Variants in MCTP1 observed in about 807,000 individuals in gnomAD.
MCTP1 encodes the protein multiple C2 and transmembrane domain containing 1.
MCTP1 carries 69 observed loss-of-function variants against 120.6 expected under a neutral mutation model. That is an observed-to-expected ratio of 0.57 (90% CI 0.47 to 0.70). The LOEUF (loss-of-function observed/expected upper bound fraction) is 0.70. MCTP1 is among the 30% of genes least tolerant of loss of function. MCTP1 has a pLI of 0.00. For missense variants in MCTP1, 1,203 were observed against 1,248.8 expected (o/e 0.96, Z 0.55); for synonymous variants, 529 against 493.1 (o/e 1.07, Z -0.96).
rs147425961 is a variant in MCTP1 at position 94,871,906 on chromosome 5, G to A, written c.2037-489C>T. Among the ~76,000 whole-genome samples, 234 of 151,856 alleles carry A rather than the reference G, an allele frequency of 1.5e-3. 5 individuals are homozygous for A. Among genetic ancestry groups the A allele is most frequent in the Admixed American group, 0.014 (217 of 15,216 alleles). On this transcript the variant is annotated intron_variant, in intron 13 of 22. Transcript: ENST00000515393. ...TGTTTATAGCTCTCACTAGATCATC[G>A]ACGTAGTTTCTGTTAGATTTATAGT... is the stretch of plus-strand genomic sequence containing the variant.
chr5:95,025,461 G>A (rs1839090340), intron 1 of MCTP1, among the ~76,000 whole-genome samples: 1 of 152,094 alleles, frequency 6.6e-6, no homozygotes. Flanking sequence ...AAAGTTTGGG[G>A]GCTAAAGCCA....
chr5:95,284,170 G>T lies in MCTP1; in HGVS notation c.406C>A (p.Pro136Thr). ...CCCGCTGCTCCCGAGGCCGCCGCGG[G>T]CCCCTTTACGGCGGGGAGCAAATGC... ...REHLLPAVKG[P>T]AAASGAAGGT... The change falls in exon 1 of 23, where the codon CCC becomes ACC. Residue 136 changes from proline (P) to threonine (T), a missense_variant. Physicochemically the swap from Pro to Thr is conservative, Grantham distance 38. Around this residue, in one of 2 missense-constraint regions of MCTP1, gnomAD observed 463 missense variants for 377.8 expected, o/e 1.23. Coordinates refer to ENST00000515393, the MANE Select transcript of MCTP1 (RefSeq NM_024717.7). This position sits in a 1 kb window ranked among gnomAD's most constrained non-coding sequence, Gnocchi z 5.2. The T allele has an allele frequency of 6.4e-7, 1 of 1,573,570 alleles. No homozygotes were observed. Among genetic ancestry groups the T allele is most frequent in the South Asian group, 1.1e-5 (1 of 87,510 alleles).
rs556445511 is a variant in MCTP1 at position 95,128,018 on chromosome 5, G to T, written c.721-110534C>A. ...ATCAAGTTATACTAGAAAGCCATGCGAGGGCTTAAAACAGGAAAACGACTT... is the reference window on the plus strand; with the variant it reads ...ATCAAGTTATACTAGAAAGCCATGCTAGGGCTTAAAACAGGAAAACGACTT... On this transcript the variant is annotated intron_variant, in intron 1 of 22. Coordinates refer to ENST00000515393, the MANE Select transcript of MCTP1 (RefSeq NM_024717.7). 1.1e-4 allele frequency among the ~76,000 whole-genome samples: 16 copies of T among 152,190 alleles called. 1 individual carries two copies. Among genetic ancestry groups the T allele is most frequent in the Non-Finnish European group, 2.1e-4 (14 of 68,034 alleles).
intron 18 of MCTP1, among the ~76,000 whole-genome samples, chr5:94,780,420 A>C (rs1412461234): frequency 1.3e-5 from 2 of 152,124 alleles, no homozygotes; most frequent in African/African-American, 4.8e-5. Context: ...GCATTAACTG[A>C]TTTAAAAGCA....
chr5:94,767,326 C>A (rs541363256), intron 19 of MCTP1, among the ~76,000 whole-genome samples: 1 of 152,258 alleles, frequency 6.6e-6, no homozygotes, highest in African/African-American at 2.4e-5. Context: ...TGGGGAAAAC[C>A]TGAAAGCCTT....
chr5:94,758,789 T>C (rs1354991503), intron 19 of MCTP1, among the ~76,000 whole-genome samples: 1 of 152,186 alleles, frequency 6.6e-6, no homozygotes, highest in Non-Finnish European at 1.5e-5. Flanking sequence ...AATGCACAAT[T>C]TTGTTATCAT....
intron 2 of MCTP1, among the ~76,000 whole-genome samples, chr5:95,010,727 G>A (rs1396781053): frequency 6.6e-6 from 1 of 152,090 alleles, no homozygotes; most frequent in Non-Finnish European, 1.5e-5. Flanking sequence ...TAAAGTACAT[G>A]GCTCTCTCAT....
intron 2 of MCTP1, among the ~76,000 whole-genome samples, chr5:94,974,315 G>A (rs116713340): frequency 0.01 from 1,585 of 152,202 alleles, 10 homozygotes; most frequent in Middle Eastern, 0.024. Flanking sequence ...GGGAGGCCAC[G>A]GTGGGAGAAT....
At chr5:94,745,260 T>C (rs889541842) in intron 19 of MCTP1, among the ~76,000 whole-genome samples, 5 of 152,178 alleles carry the variant, frequency 3.3e-5, no homozygotes, top group African/African-American at 4.8e-5. Flanking sequence ...TCAATTATAA[T>C]GTTCTGGGTG....
intron 1 of MCTP1, among the ~76,000 whole-genome samples, chr5:95,114,972 G>A (rs968741194): frequency 4.6e-5 from 7 of 152,186 alleles, no homozygotes; most frequent in African/African-American, 1.7e-4. Context: ...AGGAGAACAA[G>A]AGTCTTTGCT....
chr5:95,281,079 A>G (rs2152745790), intron 1 of MCTP1, among the ~76,000 whole-genome samples: 1 of 152,380 alleles, frequency 6.6e-6, no homozygotes, highest in East Asian at 1.9e-4. Context: ...GCCTTGAAAG[A>G]AAAGTCTTTT....
chr5:95,009,685 T>G (rs961567377), intron 2 of MCTP1, among the ~76,000 whole-genome samples: 15 of 152,130 alleles, frequency 9.9e-5, no homozygotes, highest in Non-Finnish European at 1.9e-4. Flanking sequence ...ACTTTCCAAT[T>G]GCAGCAGGGA....
chr5:94,930,377 G>A (rs1448850437), intron 6 of MCTP1, among the ~76,000 whole-genome samples: 1 of 147,312 alleles, frequency 6.8e-6, no homozygotes, highest in Non-Finnish European at 1.5e-5. Flanking sequence ...GGGTTTAAGC[G>A]ATTCTCCTGC....
At chr5:95,232,158 T>TAAA (rs35731165) in intron 1 of MCTP1, among the ~76,000 whole-genome samples, 6 of 66,984 alleles carry the variant, frequency 9.0e-5, no homozygotes, top group Non-Finnish European at 1.2e-4. Flanking sequence ...AAGTGATCAC[T>TAAA]AAAAAAAAAA....
intron 12 of MCTP1, among the ~76,000 whole-genome samples, chr5:94,876,238 T>C (rs1398253737): frequency 6.6e-6 from 1 of 152,106 alleles, no homozygotes; most frequent in East Asian, 1.9e-4. Flanking sequence ...ATCAGAGAAA[T>C]ACTAGTGATG....
chr5:94,733,786 A>G (rs1034547078), intron 19 of MCTP1, among the ~76,000 whole-genome samples: 4 of 152,254 alleles, frequency 2.6e-5, no homozygotes, highest in Non-Finnish European at 5.9e-5. Context: ...CAATATGGTG[A>G]AACCCCGTCT....
At chr5:95,275,713 T>C (rs1389638798) in intron 1 of MCTP1, among the ~76,000 whole-genome samples, 1 of 152,160 alleles carries the variant, frequency 6.6e-6, no homozygotes, top group African/African-American at 2.4e-5. Flanking sequence ...TGTATGCATT[T>C]TACACTTATA....
intron 17 of MCTP1, among the ~76,000 whole-genome samples, chr5:94,831,308 G>A (rs1467347946): frequency 6.6e-6 from 1 of 152,142 alleles, no homozygotes; most frequent in Non-Finnish European, 1.5e-5. Flanking sequence ...AGGTCAAAAT[G>A]GGCCTATAGA....
chr5:95,252,445 A>G (rs1554238021), intron 1 of MCTP1, among the ~76,000 whole-genome samples: 1 of 152,176 alleles, frequency 6.6e-6, no homozygotes, highest in Non-Finnish European at 1.5e-5. Flanking sequence ...AGCCTTATTT[A>G]GTTTTTAAAA....
Sources: gnomAD v4.1 joint callset for allele counts (sites outside exome capture counted in the v4.1 genomes callset) on GRCh38, gnomAD v4.1.1 for gene constraint, gnomAD v4.1.1 regional missense constraint, Gnocchi (gnomAD v3.1) non-coding constraint, MANE v1.5 for transcripts, NCBI Gene and HGNC (gene_info 2026-07-23, HGNC 2026-07-21) for gene names.